Variants in CD6 observed in about 807,000 individuals in gnomAD.
The protein encoded by CD6 is T-cell differentiation antigen CD6.
A neutral mutation model predicts 75.3 loss-of-function variants in CD6; 53 were observed. That is an observed-to-expected ratio of 0.70 (90% CI 0.56 to 0.88). CD6 has a LOEUF of 0.88. Ranked by LOEUF, CD6 falls within the 40% of genes least tolerant of loss-of-function variation. The pLI, the probability that CD6 is intolerant of heterozygous loss-of-function variation, is 0.00. For synonymous variants in CD6, 359 were observed against 381.5 expected (o/e 0.94, Z 0.69); for missense variants, 770 against 897.1 (o/e 0.86, Z 1.81).
intron 1 of CD6, among the ~76,000 whole-genome samples, chr11:61,000,739 G>A (rs568475215): frequency 1.3e-5 from 2 of 152,198 alleles, no homozygotes; most frequent in South Asian, 2.1e-4. Context: ...CACAACAGGA[G>A]TATCAGTGTC....
chr11:60,995,309 T>G (rs1279894275), intron 1 of CD6, among the ~76,000 whole-genome samples: 1 of 152,038 alleles, frequency 6.6e-6, no homozygotes, highest in Non-Finnish European at 1.5e-5. Flanking sequence ...CACATCCAGC[T>G]AATTTTTGTA....
At chr11:60,980,962 T>C (rs556914349) in intron 1 of CD6, among the ~76,000 whole-genome samples, 1 of 152,272 alleles carries the variant, frequency 6.6e-6, no homozygotes, top group East Asian at 1.9e-4. Context: ...GCTGGTCCTG[T>C]TGGGTCATGT....
At position 61,018,332 on chromosome 11, in the gene CD6, G is replaced by A. The variant is rs769337962; in HGVS notation, c.1881G>A (p.Glu627=). 3.7e-6 allele frequency: 6 copies of A among 1,608,806 alleles called. No individual in the cohort carries two copies. In the Admixed American group the frequency reaches 1.0e-4, roughly 27 times the overall value. The part of the protein sequence containing the change: ...ADDSSSTSSG[E]WYQNFQPPPQ... Reference sequence around the variant, plus strand: ...ACAGCTCCAGCACCTCATCCGGGGAGTGGTACCAGAACTTCCAGCCACCAC... The same window carrying A: ...ACAGCTCCAGCACCTCATCCGGGGAATGGTACCAGAACTTCCAGCCACCAC... Residue 627 remains glutamate (E), a synonymous_variant, in exon 12 of 13, where the codon GAG becomes GAA. Coordinates refer to ENST00000313421, the MANE Select transcript of CD6 (RefSeq NM_006725.5).
At chr11:60,979,764 G>A (rs3019550) in intron 1 of CD6, among the ~76,000 whole-genome samples, 78,879 of 152,052 alleles carry the variant, frequency 0.52, 22,737 homozygotes, top group East Asian at 0.9. Flanking sequence ...GAGCCACTGT[G>A]CCTGGCCTAG....
Position 61,018,345 on chromosome 11 carries a change from T to A in CD6, c.1894T>A (p.Phe632Ile). Residue 632 changes from phenylalanine (F) to isoleucine (I), a missense_variant, in exon 12 of 13, where the codon TTC becomes ATC. By Grantham distance (21) the Phe-to-Ile change is conservative. Transcript: ENST00000313421. ...CTCATCCGGGGAGTGGTACCAGAAC[T>A]TCCAGCCACCACCCCAGCCCCCTTC... ...STSSGEWYQN[F>I]QPPPQPPSEE... The A allele has an allele frequency of 6.2e-7, 1 of 1,608,078 alleles. No homozygotes were observed. The highest frequency in any genetic ancestry group is 8.5e-7 in the Non-Finnish European group (1 of 1,177,364).
In CD6 at chr11:60,971,737, C is replaced by T; in HGVS notation, c.-129C>T. 1.2e-6 allele frequency: 1 copy of T among 849,210 alleles called. No individual in the cohort carries two copies. The allele number at this position is 849,210 out of a possible 1,614,324, so 52.6% of individuals were successfully genotyped here. ...GGAGAGGAGAGAGCAGAGAGAGACA[C>T]AGGAACAAGAACAGCAAAGGGTAGA... is the stretch of plus-strand genomic sequence containing the variant. On this transcript the variant is annotated 5_prime_UTR_variant, in exon 1 of 13. Coordinates refer to ENST00000313421, the MANE Select transcript of CD6 (RefSeq NM_006725.5).
rs150066453 is a variant in CD6, at chr11:61,009,759, C to G, written c.969C>G (p.Ser323=). 1.2e-6 allele frequency: 2 copies of G among 1,613,798 alleles called. No individual in the cohort carries two copies. The highest frequency in any genetic ancestry group is 2.2e-5 in the South Asian group (2 of 91,062). The change falls in exon 5 of 13, where the codon TCC becomes TCG. Residue 323 remains serine (S), a synonymous_variant. Coordinates refer to ENST00000313421, the MANE Select transcript of CD6 (RefSeq NM_006725.5). ...ERPKGLPHSL[S]GRMYYSCNGE... is the part of the protein sequence containing the mutation. ...CCAAGGGGCTGCCCCACTCCTTGTC[C>G]GGCAGGATGTACTACTCATGCAATG...
At position 60,984,710 on chromosome 11, in the gene CD6, T is replaced by C. The variant is rs7122487; in HGVS notation, c.49+12796T>C. On this transcript the variant is annotated intron_variant, in intron 1 of 12. Coordinates refer to ENST00000313421, the MANE Select transcript of CD6 (RefSeq NM_006725.5). ...GGCAAAGTAAGGGGACTGAGAGCGG[T>C]TGCACTGGAGACACAGGCAGAACCT... 9.6e-3 allele frequency among the ~76,000 whole-genome samples: 1,455 copies of C among 152,270 alleles called. 29 individuals are homozygous for C. The highest frequency in any genetic ancestry group is 0.032 in the African/African-American group (1,337 of 41,544).
At chr11:61,010,442 C>T (rs79460410) in intron 5 of CD6, among the ~76,000 whole-genome samples, 2,346 of 152,272 alleles carry the variant, frequency 0.015, 25 homozygotes, top group Non-Finnish European at 0.026. Context: ...AGGCCATTAT[C>T]CCAATTTCAG....
chr11:60,980,830 A>G (rs1045327304), intron 1 of CD6, among the ~76,000 whole-genome samples: 6 of 152,036 alleles, frequency 3.9e-5, no homozygotes, highest in Admixed American at 3.9e-4. Flanking sequence ...ACAGAGTGAG[A>G]CTCTGTTTCA....
chr11:60,974,078 G>A (rs1241148639), intron 1 of CD6, among the ~76,000 whole-genome samples: 1 of 152,148 alleles, frequency 6.6e-6, no homozygotes, highest in African/African-American at 2.4e-5. Context: ...ACCATATTGG[G>A]GAAAGGAGAC....
chr11:61,006,723 A>G (rs1858877711), intron 2 of CD6, 81 bp downstream of exon 2: 2 of 1,181,382 alleles, frequency 1.7e-6, no homozygotes, highest in Non-Finnish European at 1.2e-6. Flanking sequence ...GGAAATGGAC[A>G]TTTAGGATAC....
chr11:60,984,032 T>C (rs1410994337), intron 1 of CD6, among the ~76,000 whole-genome samples: 3 of 152,166 alleles, frequency 2.0e-5, no homozygotes, highest in East Asian at 1.9e-4. Context: ...AGGAGGCACA[T>C]GGGCTCTCCA....
At chr11:61,002,828 A>C (rs1182617618) in intron 1 of CD6, among the ~76,000 whole-genome samples, 1 of 152,246 alleles carries the variant, frequency 6.6e-6, no homozygotes, top group Non-Finnish European at 1.5e-5. Context: ...AGAGTGCACG[A>C]GAGACAGAGC....
intron 1 of CD6, among the ~76,000 whole-genome samples, chr11:60,986,052 G>A (rs1006368983): frequency 2.6e-5 from 4 of 152,148 alleles, no homozygotes; most frequent in African/African-American, 9.7e-5. Context: ...GCCTTGGAAC[G>A]GGGCAAGGAC....
At chr11:60,983,684 T>C (rs1347776432) in intron 1 of CD6, among the ~76,000 whole-genome samples, 1 of 152,088 alleles carries the variant, frequency 6.6e-6, no homozygotes, top group East Asian at 1.9e-4. Flanking sequence ...AGTGTACTTA[T>C]CAAAACCAGA....
chr11:60,991,715 A>C (rs1172352105), intron 1 of CD6, among the ~76,000 whole-genome samples: 1 of 151,784 alleles, frequency 6.6e-6, no homozygotes, highest in Non-Finnish European at 1.5e-5. Flanking sequence ...CCTGTTGCCC[A>C]GGCTGGAGTG....
At chr11:60,986,938 G>A (rs1857842125) in intron 1 of CD6, among the ~76,000 whole-genome samples, 1 of 152,118 alleles carries the variant, frequency 6.6e-6, no homozygotes, top group Non-Finnish European at 1.5e-5. Context: ...GACCAGCCTG[G>A]CCAACGTGGT....
At chr11:61,018,915 A>C (rs1826072130) in intron 12 of CD6, 1 of 340,772 alleles carries the variant, frequency 2.9e-6, no homozygotes, top group Admixed American at 4.4e-5. Flanking sequence ...GGTTGCTTTG[A>C]TAAGAAGTGA....
Sources: allele counts gnomAD v4.1 joint callset (sites outside exome capture counted in the v4.1 genomes callset), GRCh38; gene constraint gnomAD v4.1.1; transcripts MANE v1.5; gene names NCBI Gene and HGNC (gene_info 2026-07-23, HGNC 2026-07-21).